Variants in CEP128 observed in about 807,000 individuals in gnomAD.
CEP128 encodes centrosomal protein 128.
In CEP128, 132 loss-of-function variants were observed where a neutral mutation model predicts 156.7. The ratio of observed to expected loss-of-function variants is 0.84; its 90% CI spans 0.73 to 0.97. The LOEUF is 0.97. Ranked by LOEUF, CEP128 falls within the 50% of genes least tolerant of loss-of-function variation. CEP128 has a pLI of 0.00. For missense variants in CEP128, 1,252 were observed against 1,281.9 expected, an observed-to-expected ratio of 0.98 and a Z score of 0.36; for synonymous variants, 469 against 448.9, an observed-to-expected ratio of 1.04 and a Z score of -0.57.
chr14:80,564,428 T>C lies in CEP128; in HGVS notation c.2857-5126A>G, dbSNP rs1020469374. 5.0e-4 allele frequency among the ~76,000 whole-genome samples: 76 copies of C among 152,334 alleles called. 1 individual carries two copies. The highest frequency in any genetic ancestry group is 1.7e-3 in the African/African-American group (69 of 41,584). ...GCCATATGATATAGGATTCCCTCAA[T>C]ATACAAATTATTTTGGGGGAAGCCT... On this transcript the variant is annotated intron_variant, in intron 20 of 24. Coordinates refer to ENST00000555265, the MANE Select transcript of CEP128 (RefSeq NM_152446.5).
Position 80,831,087 on chromosome 14 carries a change from A to C in CEP128, c.1209+56T>G, listed in dbSNP as rs759018350. The C allele has an allele frequency of 9.5e-6, 14 of 1,473,732 alleles. No homozygotes were observed. The East Asian group carries it at 3.2e-4, about 33-fold the overall frequency. The allele number at this position is 1,473,732 out of a possible 1,614,324, so 91.3% of individuals were successfully genotyped here. A position where few individuals can be genotyped will look rare whatever the true frequency, so the allele number is the denominator to read the frequency against. On this transcript the variant is annotated intron_variant, in intron 13 of 24. Transcript: ENST00000555265. ...CTTTATATTAAAATTTCATTAAGCA[A>C]TTCCATGAGATAAAATTAAAATATT... is the stretch of plus-strand genomic sequence containing the variant.
chr14:80,865,535 A>G (rs1887726425), intron 8 of CEP128, among the ~76,000 whole-genome samples: 1 of 152,176 alleles, frequency 6.6e-6, no homozygotes, highest in Non-Finnish European at 1.5e-5. Context: ...CATAGGTCCC[A>G]ATGATCCATG....
At chr14:80,619,367 G>GACACACACACACACACAGACACACAC (rs367620098) in intron 19 of CEP128, among the ~76,000 whole-genome samples, 56 of 139,470 alleles carry the variant, frequency 4.0e-4, no homozygotes, top group Non-Finnish European at 7.4e-4. Flanking sequence ...AAGACACACA[G>GACACACACACACACACAGACACACAC]ACACACACAC....
chr14:80,868,083 G>A (rs1887857195), intron 8 of CEP128, among the ~76,000 whole-genome samples: 1 of 152,024 alleles, frequency 6.6e-6, no homozygotes, highest in African/African-American at 2.4e-5. Flanking sequence ...GGGGGAGACA[G>A]GTGCTGCCAA....
intron 19 of CEP128, among the ~76,000 whole-genome samples, chr14:80,657,851 T>C (rs779446952): frequency 6.6e-6 from 1 of 152,112 alleles, no homozygotes; most frequent in Non-Finnish European, 1.5e-5. Context: ...AAGAAATCCT[T>C]TGTAACCAAA....
At chr14:80,545,678 T>C (rs376807694) in intron 21 of CEP128, among the ~76,000 whole-genome samples, 6 of 152,098 alleles carry the variant, frequency 3.9e-5, no homozygotes, top group African/African-American at 1.2e-4. Context: ...TTTCAATAGA[T>C]TAAAAAGAAA....
At chr14:80,589,619 T>G (rs1566796730) in intron 19 of CEP128, among the ~76,000 whole-genome samples, 1 of 152,102 alleles carries the variant, frequency 6.6e-6, no homozygotes, top group Non-Finnish European at 1.5e-5. Flanking sequence ...CAAAAATTTC[T>G]TACTGAGTTG....
chr14:80,673,039 A>G (rs527400442), intron 19 of CEP128, among the ~76,000 whole-genome samples: 1 of 152,328 alleles, frequency 6.6e-6, no homozygotes, highest in South Asian at 2.1e-4. Flanking sequence ...TAGAAAAGAC[A>G]AGTAAACATT....
At chr14:80,870,231 AT>A (rs986806763) in intron 8 of CEP128, among the ~76,000 whole-genome samples, 1 of 152,090 alleles carries the variant, frequency 6.6e-6, no homozygotes, top group African/African-American at 2.4e-5. Flanking sequence ...ATAAGAGAAC[AT>A]GTCCAACCTC....
intron 19 of CEP128, among the ~76,000 whole-genome samples, chr14:80,690,875 C>A (rs947819040): frequency 6.6e-6 from 1 of 151,828 alleles, no homozygotes; most frequent in African/African-American, 2.4e-5. Flanking sequence ...AAATAAATAC[C>A]CAATGTTAAA....
At chr14:80,847,692 G>A (rs1229012897) in intron 9 of CEP128, among the ~76,000 whole-genome samples, 1 of 152,046 alleles carries the variant, frequency 6.6e-6, no homozygotes, top group Non-Finnish European at 1.5e-5. Flanking sequence ...TTTCCCCAAG[G>A]GGCCATAAAG....
chr14:80,494,894 G>A (rs1887440471), downstream of CEP128, among the ~76,000 whole-genome samples: 1 of 152,094 alleles, frequency 6.6e-6, no homozygotes, highest in Admixed American at 6.6e-5. Flanking sequence ...ATAACCAACT[G>A]GTTTTCAACC....
chr14:80,568,473 T>C (rs745785549), intron 20 of CEP128, among the ~76,000 whole-genome samples: 1 of 149,608 alleles, frequency 6.7e-6, no homozygotes. Context: ...ACAAGGAACA[T>C]TGTAATGGAG....
At chr14:80,616,733 G>A (rs138899930) in intron 19 of CEP128, among the ~76,000 whole-genome samples, 147 of 152,150 alleles carry the variant, frequency 9.7e-4, no homozygotes, top group African/African-American at 3.5e-3. Context: ...CTCAATCCAG[G>A]AAAAGTAGAA....
At chr14:80,661,675 TTCTTA>T (rs1189912683) in intron 19 of CEP128, among the ~76,000 whole-genome samples, 2 of 152,190 alleles carry the variant, frequency 1.3e-5, no homozygotes, top group African/African-American at 2.4e-5. Flanking sequence ...GAAATTATAA[TTCTTA>T]TCTTTTCATT....
intron 21 of CEP128, among the ~76,000 whole-genome samples, chr14:80,556,057 C>T (rs571803215): frequency 2.0e-5 from 3 of 151,440 alleles, no homozygotes; most frequent in East Asian, 1.9e-4. Context: ...CAATAAATTT[C>T]CACTGCTGAG....
chr14:80,905,317 T>C (rs987908003), intron 5 of CEP128, among the ~76,000 whole-genome samples: 2 of 152,072 alleles, frequency 1.3e-5, no homozygotes, highest in Non-Finnish European at 2.9e-5. Flanking sequence ...CTGAACAGCA[T>C]ATAAAAATAA....
At chr14:80,641,339 T>C (rs541324573) in intron 19 of CEP128, among the ~76,000 whole-genome samples, 1 of 152,338 alleles carries the variant, frequency 6.6e-6, no homozygotes, top group South Asian at 2.1e-4. Context: ...TGTGACTTCT[T>C]GATGTTCAAG....
At chr14:80,754,976 G>C (rs1015924395) in intron 18 of CEP128, among the ~76,000 whole-genome samples, 2 of 152,126 alleles carry the variant, frequency 1.3e-5, no homozygotes, top group Non-Finnish European at 2.9e-5. Context: ...TTAGACTGAA[G>C]GATACAAAGT....
Sources: allele counts gnomAD v4.1 joint callset (sites outside exome capture counted in the v4.1 genomes callset), GRCh38; gene constraint gnomAD v4.1.1; transcripts MANE v1.5; gene names NCBI Gene and HGNC (gene_info 2026-07-23, HGNC 2026-07-21).